Variants in VAV3 observed in about 807,000 individuals in gnomAD.
VAV3 encodes vav guanine nucleotide exchange factor 3, also known as guanine nucleotide exchange factor VAV3.
VAV3 carries 94 observed loss-of-function variants against 131.2 expected under a neutral mutation model. The observed-to-expected ratio is 0.72, with a 90% confidence interval of 0.61 to 0.85. The LOEUF (loss-of-function observed/expected upper bound fraction) is 0.85. Ranked by LOEUF, VAV3 falls within the 40% of genes least tolerant of loss-of-function variation. The pLI, the probability that VAV3 is intolerant of heterozygous loss-of-function variation, is 0.00. For synonymous variants in VAV3, 349 were observed against 342.0 expected (o/e 1.02, Z -0.22); for missense variants, 939 against 1,002.7 (o/e 0.94, Z 0.86).
chr1:107,777,703 G>T, intron 3 of VAV3: 1 of 179,706 alleles, frequency 5.6e-6, no homozygotes, highest in Non-Finnish European at 1.2e-5. Flanking sequence ...TTCAGCTGTG[G>T]GATCTGATAA....
chr1:107,724,790 G>T (rs58620540), intron 15 of VAV3, among the ~76,000 whole-genome samples: 179 of 152,196 alleles, frequency 1.2e-3, no homozygotes, highest in African/African-American at 4.2e-3. Flanking sequence ...TCTGGAAGCT[G>T]CCAGGAAGGA....
At chr1:107,647,592 A>C (rs78890281) in intron 19 of VAV3, among the ~76,000 whole-genome samples, 469 of 152,108 alleles carry the variant, frequency 3.1e-3, no homozygotes, top group Admixed American at 7.9e-3. Flanking sequence ...TATCTATAAA[A>C]ATTTTCAGAA....
At chr1:107,917,103 G>C (rs1327200714) in intron 1 of VAV3, among the ~76,000 whole-genome samples, 1 of 152,136 alleles carries the variant, frequency 6.6e-6, no homozygotes, top group East Asian at 1.9e-4. Context: ...AAGTCATCAT[G>C]GTTTCTGAAG....
intron 19 of VAV3, among the ~76,000 whole-genome samples, chr1:107,664,728 T>C (rs1657291179): frequency 6.6e-6 from 1 of 152,038 alleles, no homozygotes; most frequent in South Asian, 2.1e-4. Flanking sequence ...TATAGCAATG[T>C]TGTCATGGGA....
chr1:107,679,628 T>C (rs940529516), intron 19 of VAV3, among the ~76,000 whole-genome samples: 22 of 152,140 alleles, frequency 1.4e-4, no homozygotes, highest in African/African-American at 5.3e-4. Flanking sequence ...CAAACTGAAA[T>C]AAATCTTGTA....
intron 1 of VAV3, among the ~76,000 whole-genome samples, chr1:107,936,603 C>A (rs908333865): frequency 1.3e-5 from 2 of 152,104 alleles, no homozygotes; most frequent in South Asian, 2.1e-4. Flanking sequence ...CCAAAGCTGG[C>A]CAAGTGACTC....
At chr1:107,609,110 TCAC>T (rs5776891) in intron 22 of VAV3, among the ~76,000 whole-genome samples, 53,887 of 151,740 alleles carry the variant, frequency 0.36, 9,863 homozygotes, top group Middle Eastern at 0.42. Flanking sequence ...ATAACAACAG[TCAC>T]CACCACTTTT....
intron 2 of VAV3, among the ~76,000 whole-genome samples, chr1:107,824,097 A>G (rs1176376388): frequency 1.3e-5 from 2 of 152,188 alleles, no homozygotes; most frequent in Non-Finnish European, 2.9e-5. Context: ...TGAGTAGAAA[A>G]CTGGCAAACA....
intron 2 of VAV3, among the ~76,000 whole-genome samples, chr1:107,817,268 T>A (rs954938053): frequency 6.6e-6 from 1 of 152,080 alleles, no homozygotes; most frequent in Non-Finnish European, 1.5e-5. Flanking sequence ...GGAACATGCA[T>A]GCTGGGCTTG....
intron 1 of VAV3, among the ~76,000 whole-genome samples, chr1:107,943,313 G>A (rs974934948): frequency 3.3e-5 from 5 of 152,062 alleles, no homozygotes; most frequent in Non-Finnish European, 5.9e-5. Context: ...CATATCACAG[G>A]TGGCCTATTA....
Position 107,751,099 on chromosome 1 carries a change from G to A in VAV3, c.1259+18C>T, listed in dbSNP as rs1276625909. On this transcript the variant is annotated intron_variant, in intron 13 of 26. Transcript: ENST00000370056. The stretch of plus-strand genomic sequence containing the variant: ...ACACTAATTACTTATTTTGAAAATA[G>A]TATTCTTCTTTTCTTACCTTTCTTG... The A allele has an allele frequency of 1.3e-6, 2 of 1,596,584 alleles. No homozygotes were observed. The highest frequency in any genetic ancestry group is 2.2e-5 in the East Asian group (1 of 44,554).
chr1:107,766,540 T>C lies in VAV3; in HGVS notation c.728A>G (p.Lys243Arg), dbSNP rs1393658531. Residue 243 changes from lysine (K) to arginine (R), a missense_variant, in exon 8 of 27, where the codon AAA (lysine) becomes AGA (arginine). Lys to Arg is a conservative substitution (Grantham distance 26). Transcript: ENST00000370056. ...CTCTTGCATTAGGTTCCGATGAAGTTTTACAAGTTCCTAAGAAAAGAAAAC... is the reference window on the plus strand; with the variant it reads ...CTCTTGCATTAGGTTCCGATGAAGTCTTACAAGTTCCTAAGAAAAGAAAAC... ...SVFINIPELV[K>R]LHRNLMQEIH... 6 of 1,612,684 alleles carry C rather than the reference T, an allele frequency of 3.7e-6. No individual in the cohort carries two copies. Among genetic ancestry groups the C allele is most frequent in the Non-Finnish European group, 5.1e-6 (6 of 1,179,254 alleles).
At chr1:107,788,154 G>A (rs1015928016) in intron 2 of VAV3, among the ~76,000 whole-genome samples, 1 of 151,970 alleles carries the variant, frequency 6.6e-6, no homozygotes, top group Admixed American at 6.6e-5. Flanking sequence ...TATGTCTCCA[G>A]GCCTACAATT....
intron 2 of VAV3, among the ~76,000 whole-genome samples, chr1:107,867,195 T>C (rs535443147): frequency 2.2e-4 from 34 of 152,222 alleles, no homozygotes; most frequent in Non-Finnish European, 4.3e-4. Flanking sequence ...AATGGGATTC[T>C]TTGCAAAGTT....
At chr1:107,962,221 T>G (rs1452921723) in intron 1 of VAV3, among the ~76,000 whole-genome samples, 1 of 152,206 alleles carries the variant, frequency 6.6e-6, no homozygotes, top group Non-Finnish European at 1.5e-5. Context: ...AGTAATGACA[T>G]CTCTAACTCC....
intron 17 of VAV3, among the ~76,000 whole-genome samples, chr1:107,691,041 C>T (rs1659392257): frequency 6.6e-6 from 1 of 152,156 alleles, no homozygotes; most frequent in South Asian, 2.1e-4. Flanking sequence ...TTAGAATCTG[C>T]TGAGTTCAGA....
At chr1:107,578,810 AAC>A in intron 25 of VAV3, 1 of 985,300 alleles carries the variant, frequency 1.0e-6, no homozygotes, top group Non-Finnish European at 1.2e-6. Flanking sequence ...AAAGAAATAA[AAC>A]ACTATATTTC....
intron 2 of VAV3, among the ~76,000 whole-genome samples, chr1:107,851,738 C>T (rs566635123): frequency 1.3e-5 from 2 of 152,232 alleles, no homozygotes; most frequent in South Asian, 2.1e-4. Flanking sequence ...TTTTAAGATG[C>T]ATCTAATGTC....
intron 19 of VAV3, among the ~76,000 whole-genome samples, chr1:107,667,655 T>C (rs191294869): frequency 3.3e-5 from 5 of 152,172 alleles, no homozygotes; most frequent in Admixed American, 6.5e-5. Context: ...CTATAAATTA[T>C]TTAAAATAGC....
Sources: allele counts gnomAD v4.1 joint callset (sites outside exome capture counted in the v4.1 genomes callset), GRCh38; gene constraint gnomAD v4.1.1; transcripts MANE v1.5; gene names NCBI Gene and HGNC (gene_info 2026-07-23, HGNC 2026-07-21).